The following PPP2R2C variants were observed in gnomAD, a reference collection of about 807,000 sequenced individuals.
The protein encoded by PPP2R2C is protein phosphatase 2 regulatory subunit Bgamma, also known as protein phosphatase 2, regulatory subunit B, gamma.
PPP2R2C carries 10 observed loss-of-function variants against 45.3 expected under a neutral mutation model. The observed-to-expected ratio is 0.22, with a 90% CI of 0.14 to 0.37. PPP2R2C has a LOEUF of 0.37. Among genes scored for constraint, PPP2R2C ranks in the 10% least tolerant of loss-of-function variants. The pLI is 1.00. For synonymous variants in PPP2R2C, 257 were observed against 245.4 expected, an observed-to-expected ratio of 1.05 and a Z score of -0.44; for missense variants, 308 against 619.7, an observed-to-expected ratio of 0.50 and a Z score of 5.34.
intron 1 of PPP2R2C, among the ~76,000 whole-genome samples, chr4:6,466,680 C>T (rs1721613089): frequency 6.6e-6 from 1 of 152,116 alleles, no homozygotes. Context: ...CTCTTCCAGT[C>T]TCAAGGCCTA....
At chr4:6,514,617 G>C (rs759439921) in intron 2 of PPP2R2C, among the ~76,000 whole-genome samples, 1 of 152,200 alleles carries the variant, frequency 6.6e-6, no homozygotes, top group Non-Finnish European at 1.5e-5. Flanking sequence ...CAGACACCGG[G>C]TTCTGGAATA....
chr4:6,348,949 G>A, intron 5 of PPP2R2C: 1 of 930,928 alleles, frequency 1.1e-6, no homozygotes, highest in Non-Finnish European at 1.3e-6. Flanking sequence ...GCACAGAGAA[G>A]ATGAGCAACT....
intron 1 of PPP2R2C, among the ~76,000 whole-genome samples, chr4:6,549,386 A>G (rs1275475402): frequency 1.3e-5 from 2 of 152,064 alleles, no homozygotes; most frequent in African/African-American, 4.8e-5. Context: ...ACAACTCCAG[A>G]TGGAGGGTGG....
intron 1 of PPP2R2C, among the ~76,000 whole-genome samples, chr4:6,536,912 A>T (rs1001122281): frequency 1.4e-4 from 21 of 152,182 alleles, no homozygotes; most frequent in South Asian, 6.2e-4. Context: ...CCAATATGGA[A>T]AGATATCAGG....
At chr4:6,552,343 G>A (rs569433508) in intron 1 of PPP2R2C, among the ~76,000 whole-genome samples, 7 of 152,170 alleles carry the variant, frequency 4.6e-5, no homozygotes, top group Non-Finnish European at 1.0e-4. Flanking sequence ...CAAGGTGTGG[G>A]CAGGGCTGGT....
chr4:6,335,643 C>G (rs924507556), intron 6 of PPP2R2C, among the ~76,000 whole-genome samples: 1 of 151,812 alleles, frequency 6.6e-6, no homozygotes, highest in Non-Finnish European at 1.5e-5. Flanking sequence ...AGTCCCCTCC[C>G]GACGGAGGAA....
chr4:6,346,929 G>C (rs996625321), intron 6 of PPP2R2C, among the ~76,000 whole-genome samples: 59 of 152,222 alleles, frequency 3.9e-4, no homozygotes, highest in African/African-American at 1.4e-3. Context: ...AGGGGAACCA[G>C]ATAAGCAAAG....
chr4:6,532,517 C>T (rs1408389985), intron 2 of PPP2R2C, among the ~76,000 whole-genome samples: 1 of 152,220 alleles, frequency 6.6e-6, no homozygotes, highest in Non-Finnish European at 1.5e-5. Context: ...ATCTAGCTGT[C>T]TGGGGAGGCG....
intron 1 of PPP2R2C, among the ~76,000 whole-genome samples, chr4:6,434,661 T>C (rs1719809988): frequency 2.0e-5 from 3 of 152,190 alleles, no homozygotes; most frequent in Non-Finnish European, 4.4e-5. Context: ...ACCTGGCCTC[T>C]TACTTGTGTA....
intron 1 of PPP2R2C, chr4:6,383,276 C>T: frequency 8.0e-7 from 1 of 1,246,746 alleles, no homozygotes; most frequent in Non-Finnish European, 1.0e-6. Flanking sequence ...CAGCAGGGCC[C>T]CACTGACCCA....
chr4:6,338,469 C>T (rs996845425), intron 6 of PPP2R2C, among the ~76,000 whole-genome samples: 11 of 152,138 alleles, frequency 7.2e-5, no homozygotes, highest in South Asian at 2.1e-4. Flanking sequence ...GCGGCTCTGA[C>T]GGACCTGTGA....
At position 6,321,852 on chromosome 4, in the gene PPP2R2C, AG is replaced by A; in HGVS notation, c.*1449del. 6.6e-6 allele frequency: 1 copy of A among 152,258 alleles called. No homozygotes were observed. The highest frequency in any genetic ancestry group is 2.4e-5 in the African/African-American group (1 of 41,538). 9.4% of individuals were successfully genotyped at this position (152,258 alleles called of 1,614,324 possible). On this transcript the variant is annotated 3_prime_UTR_variant, in exon 9 of 9. Coordinates refer to ENST00000382599, the MANE Select transcript of PPP2R2C (RefSeq NM_020416.4). Reference sequence around the variant, plus strand: ...CCTTCTCTGTGGCCCTCATTGTCAGAGGGGCAGAGTTCCCGAGGGATGTGTC... The same window carrying A: ...CCTTCTCTGTGGCCCTCATTGTCAGAGGGCAGAGTTCCCGAGGGATGTGTC...
chr4:6,374,759 C>A (rs1715160021), intron 4 of PPP2R2C, among the ~76,000 whole-genome samples: 1 of 152,206 alleles, frequency 6.6e-6, no homozygotes, highest in African/African-American at 2.4e-5. Context: ...TTGAACCTTG[C>A]TCACCTCTAG....
At chr4:6,545,176 A>G (rs1724937958) in intron 1 of PPP2R2C, among the ~76,000 whole-genome samples, 1 of 152,238 alleles carries the variant, frequency 6.6e-6, no homozygotes, top group Admixed American at 6.5e-5. Flanking sequence ...ACATTTTGGA[A>G]AAGCTCACAT....
chr4:6,557,430 C>T (rs147584223), intron 1 of PPP2R2C, among the ~76,000 whole-genome samples: 9 of 152,212 alleles, frequency 5.9e-5, no homozygotes, highest in South Asian at 4.2e-4. Context: ...ACGTTGGACC[C>T]GGAGTACAGT....
intron 5 of PPP2R2C, among the ~76,000 whole-genome samples, chr4:6,359,566 T>G (rs1713542881): frequency 6.6e-6 from 1 of 151,916 alleles, no homozygotes; most frequent in Admixed American, 6.6e-5. Flanking sequence ...TTAAATACAT[T>G]TTATTATTAA....
At chr4:6,522,421 G>C (rs1724056774) in intron 2 of PPP2R2C, among the ~76,000 whole-genome samples, 1 of 152,204 alleles carries the variant, frequency 6.6e-6, no homozygotes, top group Non-Finnish European at 1.5e-5. Flanking sequence ...AGACCCCACA[G>C]CTGGGGACAC....
At position 6,348,070 on chromosome 4, in the gene PPP2R2C, C is replaced by A. The variant is rs57215650; in HGVS notation, c.626-60G>T. On this transcript the variant is annotated intron_variant, in intron 5 of 8. Coordinates refer to ENST00000382599, the MANE Select transcript of PPP2R2C (RefSeq NM_020416.4). ...GGGCGCCCTCAATGCTCCGCCTTCC[C>A]GGAGGTTTCTGACACCTCTCCCGAG... 1.0e-5 allele frequency: 16 copies of A among 1,580,550 alleles called. No homozygotes were observed. In the South Asian group the frequency reaches 1.6e-4, roughly 16 times the overall value.
At chr4:6,506,720 G>A (rs1049804995) in intron 2 of PPP2R2C, among the ~76,000 whole-genome samples, 3 of 152,232 alleles carry the variant, frequency 2.0e-5, no homozygotes, top group Non-Finnish European at 1.5e-5. Flanking sequence ...GGGCTTAGCT[G>A]AGCTGTTCCT....
Sources: allele counts gnomAD v4.1 joint callset (sites outside exome capture counted in the v4.1 genomes callset), GRCh38; gene constraint gnomAD v4.1.1; transcripts MANE v1.5; gene names NCBI Gene and HGNC (gene_info 2026-07-23, HGNC 2026-07-21).